Variants in FCHSD2 observed in about 807,000 individuals in gnomAD.
FCHSD2 encodes F-BAR and double SH3 domains protein 2.
Under a neutral mutation model 108.1 loss-of-function variants are expected in FCHSD2, and 38 were observed. The observed-to-expected ratio is 0.35, with a 90% CI of 0.27 to 0.46. The LOEUF (loss-of-function observed/expected upper bound fraction) is 0.46, where lower values mean the gene tolerates loss of function less well. FCHSD2 is among the 20% of genes least tolerant of loss of function. The probability of loss-of-function intolerance (pLI) is 1.00; values close to 1 mark genes in which losing one functional copy is unlikely to be tolerated. For missense variants in FCHSD2, 751 were observed against 897.8 expected, an observed-to-expected ratio of 0.84 and a Z score of 2.09; for synonymous variants, 279 against 314.7, an observed-to-expected ratio of 0.89 and a Z score of 1.20.
At chr11:72,917,515 A>C (rs1196210348) in intron 9 of FCHSD2, among the ~76,000 whole-genome samples, 2 of 152,166 alleles carry the variant, frequency 1.3e-5, no homozygotes, top group Non-Finnish European at 2.9e-5. Context: ...TGAAATTGGG[A>C]AGTGTGAGTC....
chr11:73,009,958 G>T (rs918282446), intron 4 of FCHSD2, among the ~76,000 whole-genome samples: 1 of 152,144 alleles, frequency 6.6e-6, no homozygotes, highest in African/African-American at 2.4e-5. Context: ...TTAGACTTGG[G>T]AAGTTTTTGT....
intron 8 of FCHSD2, among the ~76,000 whole-genome samples, chr11:72,974,236 G>C (rs1397629790): frequency 6.6e-6 from 1 of 152,226 alleles, no homozygotes; most frequent in East Asian, 1.9e-4. Flanking sequence ...CCTTCACGCT[G>C]TATCATCCCA....
chr11:72,996,209 T>C (rs1013926674), intron 5 of FCHSD2, among the ~76,000 whole-genome samples: 5 of 152,232 alleles, frequency 3.3e-5, no homozygotes, highest in African/African-American at 1.2e-4. Flanking sequence ...TAGTAGTATA[T>C]TCAAGTTCCC....
intron 3 of FCHSD2, among the ~76,000 whole-genome samples, chr11:73,066,831 C>CA (rs1239242452): frequency 6.6e-6 from 1 of 152,094 alleles, no homozygotes; most frequent in African/African-American, 2.4e-5. Context: ...AGTCAGGAAA[C>CA]AACAGATGCT....
chr11:73,081,065 C>G (rs1859672903), intron 3 of FCHSD2, among the ~76,000 whole-genome samples: 1 of 152,144 alleles, frequency 6.6e-6, no homozygotes, highest in African/African-American at 2.4e-5. Flanking sequence ...GGGATTGGAG[C>G]AGAGGACTCA....
intron 8 of FCHSD2, among the ~76,000 whole-genome samples, chr11:72,940,238 G>C (rs568474173): frequency 2.0e-4 from 31 of 152,066 alleles, no homozygotes; most frequent in Non-Finnish European, 3.8e-4. Context: ...TATCTAAATG[G>C]GGCTTTGTGT....
chr11:72,941,507 A>G (rs559490789), intron 8 of FCHSD2, among the ~76,000 whole-genome samples: 8 of 130,904 alleles, frequency 6.1e-5, no homozygotes, highest in Non-Finnish European at 1.2e-4. Flanking sequence ...TTATTACTTT[A>G]TCATTAACTG....
chr11:73,093,876 A>T (rs938078241), intron 2 of FCHSD2, among the ~76,000 whole-genome samples: 3 of 145,764 alleles, frequency 2.1e-5, no homozygotes, highest in African/African-American at 7.5e-5. Flanking sequence ...AAGTGTTGGG[A>T]TTACAGGCGT....
At chr11:73,130,648 C>T (rs192605891) in intron 2 of FCHSD2, among the ~76,000 whole-genome samples, 33 of 152,184 alleles carry the variant, frequency 2.2e-4, no homozygotes, top group Admixed American at 1.0e-3. Flanking sequence ...TTACCAAAAC[C>T]CTAATTCTTT....
chr11:72,944,252 A>G (rs1241028976), intron 8 of FCHSD2, among the ~76,000 whole-genome samples: 3 of 152,200 alleles, frequency 2.0e-5, no homozygotes, highest in Non-Finnish European at 2.9e-5. Flanking sequence ...AACATACTCA[A>G]ATCAATAAAC....
intron 8 of FCHSD2, among the ~76,000 whole-genome samples, chr11:72,947,637 C>T (rs561951069): frequency 1.3e-5 from 2 of 152,288 alleles, no homozygotes; most frequent in East Asian, 1.9e-4. Flanking sequence ...TCCTCCAGCA[C>T]ATTCTGTTGG....
intron 3 of FCHSD2, among the ~76,000 whole-genome samples, chr11:73,046,685 A>G (rs1204030411): frequency 6.6e-6 from 1 of 152,214 alleles, no homozygotes; most frequent in Non-Finnish European, 1.5e-5. Context: ...AGAACTGCTA[A>G]AATAAAAGCA....
At chr11:73,012,035 C>A (rs1023575843) in intron 4 of FCHSD2, among the ~76,000 whole-genome samples, 57 of 152,146 alleles carry the variant, frequency 3.7e-4, no homozygotes, top group African/African-American at 1.3e-3. Flanking sequence ...AGAATTTACC[C>A]TACAGATACA....
intron 8 of FCHSD2, among the ~76,000 whole-genome samples, chr11:72,925,691 C>T (rs762860126): frequency 6.6e-6 from 1 of 152,172 alleles, no homozygotes; most frequent in Admixed American, 6.5e-5. Flanking sequence ...ACACGATTAT[C>T]GAAATGGCTG....
At chr11:72,929,987 A>G (rs188210123) in intron 8 of FCHSD2, among the ~76,000 whole-genome samples, 1 of 152,338 alleles carries the variant, frequency 6.6e-6, no homozygotes, top group Admixed American at 6.5e-5. Context: ...GAGGGAAAGC[A>G]CCAAAGAAAC....
intron 8 of FCHSD2, among the ~76,000 whole-genome samples, chr11:72,923,761 G>A (rs776432702): frequency 2.0e-5 from 3 of 152,080 alleles, no homozygotes; most frequent in Non-Finnish European, 4.4e-5. Context: ...CCAAAATGGT[G>A]AAACCCCGTC....
At chr11:73,118,807 T>C (rs1860664274) in intron 2 of FCHSD2, among the ~76,000 whole-genome samples, 1 of 152,174 alleles carries the variant, frequency 6.6e-6, no homozygotes, top group Non-Finnish European at 1.5e-5. Context: ...ACTATTACCA[T>C]TTCTGTTTTA....
chr11:72,885,580 G>A (rs1364934433), intron 12 of FCHSD2, among the ~76,000 whole-genome samples: 1 of 152,072 alleles, frequency 6.6e-6, no homozygotes, highest in African/African-American at 2.4e-5. Context: ...GGTACCAGTC[G>A]GTGATACCAT....
At chr11:72,898,119 C>T (rs2135265836) in intron 10 of FCHSD2, among the ~76,000 whole-genome samples, 1 of 152,238 alleles carries the variant, frequency 6.6e-6, no homozygotes, top group East Asian at 1.9e-4. Context: ...TATTAAAATT[C>T]TACCCAAAAA....
Sources: allele counts gnomAD v4.1 joint callset (sites outside exome capture counted in the v4.1 genomes callset), GRCh38; gene constraint gnomAD v4.1.1; transcripts MANE v1.5; gene names NCBI Gene and HGNC (gene_info 2026-07-23, HGNC 2026-07-21).